RAP1GAP2: variants seen among roughly 807,000 people sequenced by gnomAD.
The protein encoded by RAP1GAP2 is RAP1 GTPase activating protein 2, also known as rap1 GTPase-activating protein 2.
In RAP1GAP2, 27 loss-of-function variants were observed where a neutral mutation model predicts 95.0. The ratio of observed to expected loss-of-function variants is 0.28; its 90% confidence interval spans 0.21 to 0.39. The LOEUF is 0.39. RAP1GAP2 is among the 10% of genes least tolerant of loss of function. The pLI is 1.00. For missense variants in RAP1GAP2, 771 were observed against 970.0 expected (o/e 0.79, Z 2.72); for synonymous variants, 373 against 380.9 (o/e 0.98, Z 0.24).
chr17:2,851,778 C>G (rs1454060385), intron 2 of RAP1GAP2, among the ~76,000 whole-genome samples: 1 of 152,070 alleles, frequency 6.6e-6, no homozygotes, highest in Non-Finnish European at 1.5e-5. Context: ...CACTATGTTG[C>G]CCAGGCTGGT....
At chr17:3,011,267 G>A (rs191615485) in intron 17 of RAP1GAP2, among the ~76,000 whole-genome samples, 89 of 152,240 alleles carry the variant, frequency 5.8e-4, no homozygotes, top group Non-Finnish European at 1.1e-3. Context: ...TGGGGAGCAC[G>A]AGCTCCTGTT....
chr17:2,998,364 C>G lies in RAP1GAP2; in HGVS notation c.1188C>G (p.Thr396=). Residue 396 remains threonine (T), a synonymous_variant, in exon 14 of 25, where the codon ACC becomes ACG. Coordinates refer to ENST00000254695, the MANE Select transcript of RAP1GAP2 (RefSeq NM_015085.5). ...VVQVETPGTE[T]PSYKVSVTAR... is the part of the protein sequence containing the mutation. ...AGGTCGAGACCCCAGGCACAGAGAC[C>G]CCATCCTACAAGGTAAGGAGAACGC... The G allele has an allele frequency of 6.2e-7, 1 of 1,613,962 alleles. No individual in the cohort carries two copies. The highest frequency in any genetic ancestry group is 8.5e-7 in the Non-Finnish European group (1 of 1,179,872).
chr17:2,781,955 T>G (rs910774972), intron 1 of RAP1GAP2, among the ~76,000 whole-genome samples: 1 of 149,732 alleles, frequency 6.7e-6, no homozygotes, highest in South Asian at 2.1e-4. Flanking sequence ...TGTGTGTGCA[T>G]GTCTCTGTGT....
In RAP1GAP2 at chr17:2,981,265, T is replaced by C; in HGVS notation, c.729+17T>C. ...TACCCCAAGGTAAGGACCTTCATGC[T>C]CCCAACATAGGGGCCCTGCAGCTTG... On this transcript the variant is annotated intron_variant, in intron 10 of 24. Transcript: ENST00000254695. 2 of 1,600,486 alleles carry C rather than the reference T, an allele frequency of 1.2e-6. No individual in the cohort carries two copies. The highest frequency in any genetic ancestry group is 8.5e-7 in the Non-Finnish European group (1 of 1,171,254).
chr17:2,784,562 C>T (rs538310545), intron 1 of RAP1GAP2, among the ~76,000 whole-genome samples: 82 of 152,330 alleles, frequency 5.4e-4, no homozygotes, highest in African/African-American at 1.8e-3. Context: ...TGAGCCACCG[C>T]GCCCGGCCAG....
At chr17:2,876,773 C>G (rs2073113794) in intron 2 of RAP1GAP2, among the ~76,000 whole-genome samples, 1 of 152,182 alleles carries the variant, frequency 6.6e-6, no homozygotes, top group African/African-American at 2.4e-5. Context: ...TCCGACCACC[C>G]CTTCCCATCA....
At chr17:2,910,040 C>T (rs1310919967) in intron 3 of RAP1GAP2, among the ~76,000 whole-genome samples, 2 of 152,238 alleles carry the variant, frequency 1.3e-5, no homozygotes, top group South Asian at 4.1e-4. Flanking sequence ...CCACAATCCT[C>T]ACCTTACACC....
At chr17:2,844,163 G>A (rs1445788293) in intron 2 of RAP1GAP2, among the ~76,000 whole-genome samples, 1 of 152,168 alleles carries the variant, frequency 6.6e-6, no homozygotes, top group South Asian at 2.1e-4. Context: ...TGGGACTACA[G>A]GCGCCCGCCA....
At chr17:2,893,260 C>T (rs898914457) in intron 2 of RAP1GAP2, among the ~76,000 whole-genome samples, 2 of 152,194 alleles carry the variant, frequency 1.3e-5, no homozygotes, top group African/African-American at 2.4e-5. Context: ...AGGCTGGTCT[C>T]GAACTCCTGA....
chr17:2,868,516 A>ATTTTTTTTTTTTTTTTTT (rs71153307), intron 2 of RAP1GAP2, among the ~76,000 whole-genome samples: 3 of 122,832 alleles, frequency 2.4e-5, no homozygotes, highest in African/African-American at 9.0e-5. Flanking sequence ...ACCAGGTGCA[A>ATTTTTTTTTTTTTTTTTT]TTTTTTTTTT....
intron 2 of RAP1GAP2, among the ~76,000 whole-genome samples, chr17:2,859,723 G>A (rs1213876909): frequency 2.0e-5 from 3 of 152,098 alleles, no homozygotes; most frequent in Admixed American, 6.6e-5. Context: ...GGTGTGAGCC[G>A]CTGTGCATGG....
At chr17:2,891,507 C>T (rs569326965) in intron 2 of RAP1GAP2, among the ~76,000 whole-genome samples, 4 of 151,928 alleles carry the variant, frequency 2.6e-5, no homozygotes, top group Admixed American at 2.6e-4. Flanking sequence ...TACCCTCCCC[C>T]ATCTCCGCCA....
At chr17:2,800,407 G>T (rs768406323) in intron 1 of RAP1GAP2, 108 bp from the exon 2 acceptor site, 1 of 1,414,100 alleles carries the variant, frequency 7.1e-7, no homozygotes, top group Non-Finnish European at 9.7e-7. Context: ...CCCTGACAGA[G>T]CCCTGCTGTC....
intron 3 of RAP1GAP2, among the ~76,000 whole-genome samples, chr17:2,950,561 CCTCATCTGCCTAAG>C (rs2151455537): frequency 6.6e-6 from 1 of 152,000 alleles, no homozygotes; most frequent in South Asian, 2.1e-4. Context: ...CCTGTTCTCA[CCTCATCTGCCTAAG>C]AGCGCTGAAG....
At chr17:2,774,522 C>T (rs529406271), upstream of RAP1GAP2, among the ~76,000 whole-genome samples, 253 of 149,310 alleles carry the variant, frequency 1.7e-3, no homozygotes, top group South Asian at 3.0e-3. Flanking sequence ...CGCTCTGTCA[C>T]CCAGGCTGGA....
In RAP1GAP2 at chr17:2,904,530, CTGTGTGTGTGTG is replaced by C. The variant is rs5818880; in HGVS notation, c.81-726_81-715del. Reference sequence around the variant, plus strand: ...CCGAGGACAGCTTTTTGACCAGGGCCTGTGTGTGTGTGTGTGTGTGTGTGTGTGTGTGTGTGT... The same window carrying C: ...CCGAGGACAGCTTTTTGACCAGGGCCTGTGTGTGTGTGTGTGTGTGTGTGT... On this transcript the variant is annotated intron_variant, in intron 2 of 24. Coordinates refer to ENST00000254695, the MANE Select transcript of RAP1GAP2 (RefSeq NM_015085.5). The surrounding 1 kb of genome is among the most constrained non-coding windows in gnomAD (Gnocchi z 4.7). Among the ~76,000 whole-genome samples, 9 of 129,158 alleles carry C rather than the reference CTGTGTGTGTGTG, an allele frequency of 7.0e-5. No homozygotes were observed. The highest frequency in any genetic ancestry group is 2.2e-4 in the East Asian group (1 of 4,516). The allele number at this position is 129,158 out of a possible 152,430, so 84.7% of individuals were successfully genotyped here.
At chr17:2,811,543 G>A (rs761323387) in intron 2 of RAP1GAP2, among the ~76,000 whole-genome samples, 30 of 152,108 alleles carry the variant, frequency 2.0e-4, no homozygotes, top group Non-Finnish European at 3.4e-4. Context: ...TTTTATAACA[G>A]CAGCTGGAAA....
rs1371990988 is a variant in RAP1GAP2, at chr17:2,998,389, C to A, written c.1200+13C>A. The A allele has an allele frequency of 5.0e-6, 8 of 1,612,698 alleles. No homozygotes were observed. The highest frequency in any genetic ancestry group is 5.9e-6 in the Non-Finnish European group (7 of 1,178,968). On this transcript the variant is annotated intron_variant, in intron 14 of 24. Transcript: ENST00000254695. The stretch of plus-strand genomic sequence containing the variant: ...CCCATCCTACAAGGTAAGGAGAACG[C>A]CTTGTTGGAGGGAGTGGTGGGCCTC...
intron 3 of RAP1GAP2, among the ~76,000 whole-genome samples, chr17:2,927,341 G>C (rs1194916272): frequency 6.6e-6 from 1 of 151,956 alleles, no homozygotes; most frequent in East Asian, 2.0e-4. Flanking sequence ...TTTTAGTAGA[G>C]ACGGGGTTTC....
Sources: allele counts gnomAD v4.1 joint callset (sites outside exome capture counted in the v4.1 genomes callset), GRCh38; gene constraint gnomAD v4.1.1; non-coding constraint Gnocchi (gnomAD v3.1); transcripts MANE v1.5; gene names NCBI Gene and HGNC (gene_info 2026-07-23, HGNC 2026-07-21).